Variants in ARB2A observed in about 807,000 individuals in gnomAD.
ARB2A encodes cotranscriptional regulator ARB2A.
chr5:94,028,693 C>T, the ARB2A span, among the ~76,000 whole-genome samples: 4 of 152,156 alleles, frequency 2.6e-5, no homozygotes, highest in Non-Finnish European at 5.9e-5. Context: ...TTTACACCAA[C>T]CACTTTGAAT....
At chr5:93,740,535 C>T in the ARB2A span, 1 of 1,535,796 alleles carries the variant, frequency 6.5e-7, no homozygotes, top group East Asian at 2.3e-5. Context: ...TTCCCTTCTT[C>T]TCCCCTCTCC....
chr5:93,955,896 C>T, the ARB2A span, among the ~76,000 whole-genome samples: 1 of 152,164 alleles, frequency 6.6e-6, no homozygotes, highest in African/African-American at 2.4e-5. Flanking sequence ...GCTTTTTACC[C>T]CTTTTTAGAG....
the ARB2A span, among the ~76,000 whole-genome samples, chr5:93,663,498 A>G: frequency 3.9e-5 from 6 of 152,180 alleles, no homozygotes; most frequent in African/African-American, 1.4e-4. Flanking sequence ...AGCTATTTCA[A>G]CTGATCATGT....
At chr5:94,051,800 T>C in the ARB2A span, among the ~76,000 whole-genome samples, 1 of 152,166 alleles carries the variant, frequency 6.6e-6, no homozygotes, top group African/African-American at 2.4e-5. Flanking sequence ...TCAGAGCAAA[T>C]ATTAATCTAC....
the ARB2A span, among the ~76,000 whole-genome samples, chr5:93,993,104 C>A: frequency 6.6e-6 from 1 of 151,978 alleles, no homozygotes; most frequent in South Asian, 2.1e-4. Flanking sequence ...ACTTCTTAAA[C>A]TGAATAAAAT....
At chr5:93,911,074 T>C in the ARB2A span, among the ~76,000 whole-genome samples, 5 of 151,650 alleles carry the variant, frequency 3.3e-5, no homozygotes, top group Non-Finnish European at 3.0e-5. Flanking sequence ...TACTGTATAC[T>C]GGAAGAGTAC....
chr5:94,108,387 T>TA, the ARB2A span, among the ~76,000 whole-genome samples: 3 of 152,036 alleles, frequency 2.0e-5, no homozygotes, highest in African/African-American at 4.8e-5. Context: ...TTTTTTTTTT[T>TA]AATTTCTAAG....
At chr5:93,886,361 C>G in the ARB2A span, among the ~76,000 whole-genome samples, 2 of 151,632 alleles carry the variant, frequency 1.3e-5, no homozygotes, top group Non-Finnish European at 3.0e-5. Context: ...AGGCAAGGCT[C>G]TGTAAGAGAT....
the ARB2A span, among the ~76,000 whole-genome samples, chr5:93,671,315 C>G: frequency 6.6e-6 from 1 of 151,970 alleles, no homozygotes; most frequent in Non-Finnish European, 1.5e-5. Flanking sequence ...TATAAAGAAG[C>G]ACAGTATAAA....
At chr5:93,870,522 CA>C in the ARB2A span, among the ~76,000 whole-genome samples, 1 of 152,244 alleles carries the variant, frequency 6.6e-6, no homozygotes, top group Non-Finnish European at 1.5e-5. Flanking sequence ...ATGTGGTCCA[CA>C]AACCTCTGGA....
the ARB2A span, among the ~76,000 whole-genome samples, chr5:94,001,541 G>A: frequency 6.6e-6 from 1 of 151,752 alleles, no homozygotes; most frequent in African/African-American, 2.4e-5. Context: ...TTAGTTTTGG[G>A]GGTTTCAATT....
chr5:93,811,759 T>C, the ARB2A span, among the ~76,000 whole-genome samples: 7 of 152,282 alleles, frequency 4.6e-5, no homozygotes, highest in African/African-American at 1.2e-4. Context: ...ACAAATTGCT[T>C]AGGATAGTGC....
chr5:93,704,833 G>A, the ARB2A span, among the ~76,000 whole-genome samples: 1 of 152,222 alleles, frequency 6.6e-6, no homozygotes, highest in Non-Finnish European at 1.5e-5. Flanking sequence ...GAGAATATGA[G>A]AAGAGCTATG....
At chr5:94,012,366 C>A in the ARB2A span, among the ~76,000 whole-genome samples, 156 of 152,346 alleles carry the variant, frequency 1.0e-3, 2 homozygotes, top group South Asian at 0.016. Flanking sequence ...CGCGCCACTG[C>A]ACTCCAGCCT....
At chr5:93,954,091 C>G in the ARB2A span, among the ~76,000 whole-genome samples, 2 of 152,078 alleles carry the variant, frequency 1.3e-5, no homozygotes, top group Non-Finnish European at 2.9e-5. Flanking sequence ...AATCAAGGAC[C>G]CTAAGAAGGT....
chr5:93,633,452 G>A, the ARB2A span, among the ~76,000 whole-genome samples: 7 of 152,144 alleles, frequency 4.6e-5, no homozygotes, highest in East Asian at 1.4e-3. Context: ...TAGGCTTAAG[G>A]CCTTCTATTC....
the ARB2A span, chr5:93,784,318 G>C: frequency 9.1e-7 from 1 of 1,094,356 alleles, no homozygotes; most frequent in Admixed American, 2.0e-5. Context: ...TTACAGGTTG[G>C]TGGGGGCTCA....
the ARB2A span, among the ~76,000 whole-genome samples, chr5:93,779,600 A>G: frequency 6.6e-6 from 1 of 152,218 alleles, no homozygotes; most frequent in Non-Finnish European, 1.5e-5. Context: ...CAATAGTGCC[A>G]TGCTTGAGTC....
chr5:93,703,960 G>A, the ARB2A span, among the ~76,000 whole-genome samples: 1 of 152,074 alleles, frequency 6.6e-6, no homozygotes, highest in Non-Finnish European at 1.5e-5. Flanking sequence ...TCTATCTGTC[G>A]CTCTGGAGTT....
Sources: allele counts gnomAD v4.1 joint callset (sites outside exome capture counted in the v4.1 genomes callset), GRCh38; gene constraint gnomAD v4.1.1; transcripts MANE v1.5; gene names NCBI Gene and HGNC (gene_info 2026-07-23, HGNC 2026-07-21).